TBL1X: variants seen among roughly 807,000 people sequenced by gnomAD.
TBL1X encodes the protein F-box-like/WD repeat-containing protein TBL1X.
In TBL1X, 10 loss-of-function variants were observed where a neutral mutation model predicts 50.7. That is an observed-to-expected ratio of 0.20 (90% CI 0.12 to 0.33). TBL1X has a LOEUF of 0.33. Among genes scored for constraint, TBL1X ranks in the 10% least tolerant of loss-of-function variants. The pLI, the probability that TBL1X is intolerant of heterozygous loss-of-function variation, is 1.00. For missense variants in TBL1X, 340 were observed against 504.4 expected (o/e 0.67, Z 3.12); for synonymous variants, 190 against 214.7 (o/e 0.88, Z 1.01).
At chrX:9,538,610 A>G (rs2146979888) in intron 2 of TBL1X, among the ~76,000 whole-genome samples, 1 of 112,222 alleles carries the variant, frequency 8.9e-6, no homozygotes, top group South Asian at 3.7e-4. Context: ...TTAGCCTCAT[A>G]CTTCCTCGCT....
rs2082247612 is a variant in TBL1X, at chrX:9,547,039, C to T, written c.-131+45190C>T. Among the ~76,000 whole-genome samples the T allele has an allele frequency of 3.7e-5, 4 of 108,179 alleles. No homozygotes were observed. The South Asian group carries it at 1.2e-3, about 33-fold the overall frequency. The allele number at this position is 108,179 out of a possible 115,157, so 93.9% of individuals were successfully genotyped here. On this transcript the variant is annotated intron_variant, in intron 2 of 17. Coordinates refer to ENST00000645353, the MANE Select transcript of TBL1X (RefSeq NM_005647.4). Reference sequence around the variant, plus strand: ...TTCACCGTGTTAGCCAGGATGGTCTCGATCTCCTGACCTCGTGATCCGCCC... The same window carrying T: ...TTCACCGTGTTAGCCAGGATGGTCTTGATCTCCTGACCTCGTGATCCGCCC...
intron 3 of TBL1X, among the ~76,000 whole-genome samples, chrX:9,640,631 T>TTTTG (rs1418127806): frequency 9.5e-6 from 1 of 105,276 alleles, no homozygotes; most frequent in Admixed American, 1.0e-4. Flanking sequence ...TTTGTTTTGT[T>TTTTG]TTTGTTTGTT....
At chrX:9,631,605 C>G (rs1601806173) in intron 2 of TBL1X, among the ~76,000 whole-genome samples, 1 of 112,490 alleles carries the variant, frequency 8.9e-6, no homozygotes, top group South Asian at 3.6e-4. Flanking sequence ...AAGAGCCTTA[C>G]AACAACAATG....
intron 3 of TBL1X, among the ~76,000 whole-genome samples, chrX:9,644,291 G>C (rs1288210723): frequency 8.9e-6 from 1 of 112,223 alleles, no homozygotes; most frequent in Non-Finnish European, 1.9e-5. Flanking sequence ...CAGGAAAATA[G>C]GATGAGCTCC....
chrX:9,587,903 T>C (rs1208523510), intron 2 of TBL1X, among the ~76,000 whole-genome samples: 2 of 107,022 alleles, frequency 1.9e-5, no homozygotes, highest in African/African-American at 3.4e-5. Context: ...TGTCTGTCCT[T>C]CTGTGTCTGA....
chrX:9,508,736 A>G (rs757913467), intron 2 of TBL1X, among the ~76,000 whole-genome samples: 2 of 112,139 alleles, frequency 1.8e-5, no homozygotes, highest in Admixed American at 1.9e-4. Flanking sequence ...GCACATATAC[A>G]TCATGGAATA....
chrX:9,544,397 C>A (rs1465629877), intron 2 of TBL1X, among the ~76,000 whole-genome samples: 2 of 111,269 alleles, frequency 1.8e-5, no homozygotes, highest in African/African-American at 6.5e-5. Flanking sequence ...CTCACACTGC[C>A]CAGCATGTAC....
At chrX:9,715,132 C>A in intron 17 of TBL1X, 129 bp downstream of exon 17, 3 of 620,800 alleles carry the variant, frequency 4.8e-6, no homozygotes, top group Non-Finnish European at 7.6e-6. Flanking sequence ...AGCTTCTGGG[C>A]TGGATCCCAT....
At chrX:9,495,837 T>C (rs1348524652) in intron 1 of TBL1X, among the ~76,000 whole-genome samples, 1 of 111,754 alleles carries the variant, frequency 8.9e-6, no homozygotes, top group African/African-American at 3.3e-5. Context: ...GTGAATAGAC[T>C]GCGAAAAGGA....
At chrX:9,600,873 G>C (rs888427827) in intron 2 of TBL1X, among the ~76,000 whole-genome samples, 1 of 111,607 alleles carries the variant, frequency 9.0e-6, no homozygotes, top group Non-Finnish European at 1.9e-5. Flanking sequence ...GAGGATGACA[G>C]AGGCTTAAGG....
Position 9,465,287 on chromosome X carries a change from C to CGGCGG in TBL1X, c.-353_-349dup, listed in dbSNP as rs1255959296. The CGGCGG allele has an allele frequency of 9.5e-6, 1 of 104,961 alleles. No individual in the cohort carries two copies. The highest frequency in any genetic ancestry group is 3.4e-5 in the African/African-American group (1 of 29,657). The allele number at this position is 104,961 out of a possible 1,213,427, so 8.6% of individuals were successfully genotyped here. On this transcript the variant is annotated 5_prime_UTR_variant, in exon 1 of 18. Transcript: ENST00000645353. ...CCGCGCTCTCTCCGGGACTCGGCGGCGGCGGGGCGGGGGCGGCCCGGGGGC... is the reference window on the plus strand; with the variant it reads ...CCGCGCTCTCTCCGGGACTCGGCGGCGGCGGGGCGGGGCGGGGGCGGCCCGGGGGC...
chrX:9,627,540 A>C (rs1226116158), intron 2 of TBL1X, among the ~76,000 whole-genome samples: 1 of 112,383 alleles, frequency 8.9e-6, no homozygotes, highest in East Asian at 2.8e-4. Context: ...TGACTGCATA[A>C]ATTTCACACC....
At chrX:9,656,795 T>C (rs1157613012) in intron 5 of TBL1X, among the ~76,000 whole-genome samples, 1 of 112,504 alleles carries the variant, frequency 8.9e-6, no homozygotes, top group Non-Finnish European at 1.9e-5. Context: ...AAAGAAATAC[T>C]TAATGTTGAA....
Position 9,653,633 on chromosome X carries a change from C to A in TBL1X, c.47C>A (p.Ala16Glu). The change falls in exon 4 of 18, where the codon GCA becomes GAA. Residue 16 changes from alanine (A) to glutamate (E), a missense_variant. Ala to Glu is a moderately radical substitution (Grantham distance 107, BLOSUM62 -1). This residue lies in a region of TBL1X where 41 missense variants were observed against 48.6 expected (regional missense o/e 0.84). Transcript: ENST00000645353. ...GASSSCCHRPAGRGAMQSVLH... is the reference protein window; with the variant it reads ...GASSSCCHRPEGRGAMQSVLH... The stretch of plus-strand genomic sequence containing the variant: ...TCTTCATCGTGCTGCCACCGCCCTG[C>A]AGGAAGAGGGGCCATGCAGTCAGTC... 1 of 1,173,995 alleles carries A rather than the reference C, an allele frequency of 8.5e-7. No individual in the cohort carries two copies. The highest frequency in any genetic ancestry group is 1.1e-6 in the Non-Finnish European group (1 of 876,086).
intron 2 of TBL1X, among the ~76,000 whole-genome samples, chrX:9,639,549 T>C (rs980107429): frequency 8.9e-6 from 1 of 112,263 alleles, no homozygotes; most frequent in African/African-American, 3.2e-5. Flanking sequence ...ATTTTTGATA[T>C]AAAGGATTAT....
At position 9,480,856 on chromosome X, in the gene TBL1X, C is replaced by T. The variant is rs761777373; in HGVS notation, c.-201+15409C>T. Among the ~76,000 whole-genome samples, 7 of 101,130 alleles carry T rather than the reference C, an allele frequency of 6.9e-5. No individual in the cohort carries two copies. The South Asian group carries it at 3.1e-3, about 45-fold the overall frequency. 87.8% of individuals were successfully genotyped at this position (101,130 alleles called of 115,157 possible). ...ATTTGGCTTATTTGATATATTAAAACTATAACAGTAAGCATTGTCAGGTAT... is the reference window on the plus strand; with the variant it reads ...ATTTGGCTTATTTGATATATTAAAATTATAACAGTAAGCATTGTCAGGTAT... On this transcript the variant is annotated intron_variant, in intron 1 of 17. Transcript: ENST00000645353.
intron 2 of TBL1X, among the ~76,000 whole-genome samples, chrX:9,612,777 A>G (rs2082619855): frequency 9.0e-6 from 1 of 111,386 alleles, no homozygotes; most frequent in African/African-American, 3.3e-5. Context: ...TTCACATTGC[A>G]TGCCTGTATC....
intron 2 of TBL1X, among the ~76,000 whole-genome samples, chrX:9,604,064 G>A (rs2082570030): frequency 9.0e-6 from 1 of 111,549 alleles, no homozygotes; most frequent in Non-Finnish European, 1.9e-5. Flanking sequence ...TAGGACTTTA[G>A]CATGTGATTT....
chrX:9,479,316 C>T (rs1278099485), intron 1 of TBL1X, among the ~76,000 whole-genome samples: 1 of 112,025 alleles, frequency 8.9e-6, no homozygotes, highest in African/African-American at 3.2e-5. Context: ...TGTGGTAGCA[C>T]ACGCCTGTAA....
Sources: allele counts gnomAD v4.1 joint callset (sites outside exome capture counted in the v4.1 genomes callset), GRCh38; gene constraint gnomAD v4.1.1; regional missense constraint gnomAD v4.1.1; transcripts MANE v1.5; gene names NCBI Gene and HGNC (gene_info 2026-07-23, HGNC 2026-07-21).